SRMS: variants seen among roughly 807,000 people sequenced by gnomAD.
The protein encoded by SRMS is src-related kinase lacking C-terminal regulatory tyrosine and N-terminal myristylation sites.
SRMS carries 42 observed loss-of-function variants against 43.5 expected under a neutral mutation model. The observed-to-expected ratio is 0.97, with a 90% CI of 0.75 to 1.25. SRMS has a LOEUF of 1.25. Ranked by LOEUF, SRMS falls within the 50% of genes most tolerant of loss-of-function variation. The pLI is 0.00. For synonymous variants in SRMS, 316 were observed against 308.2 expected, an observed-to-expected ratio of 1.03 and a Z score of -0.27; for missense variants, 703 against 681.0, an observed-to-expected ratio of 1.03 and a Z score of -0.36.
At chr20:63,541,415 C>T in intron 6 of SRMS, 24 bp downstream of exon 6, 3 of 1,578,350 alleles carry the variant, frequency 1.9e-6, no homozygotes, top group Non-Finnish European at 2.6e-6. Context: ...CCCTCTGGGT[C>T]AGGGGCCCAG....
At chr20:63,543,580 CT>C in intron 2 of SRMS, 100 bp from the exon 3 acceptor site, 1 of 1,393,838 alleles carries the variant, frequency 7.2e-7, no homozygotes, top group Non-Finnish European at 9.7e-7. Context: ...AGGGGTCTGG[CT>C]CAGACCTAGC....
rs2082742015 is a variant in SRMS, at chr20:63,547,720, T to TGTCC, written c.-261_-258dup. Among the ~76,000 whole-genome samples, 1 of 152,148 alleles carries TGTCC rather than the reference T, an allele frequency of 6.6e-6. No individual in the cohort carries two copies. The highest frequency in any genetic ancestry group is 1.5e-5 in the Non-Finnish European group (1 of 67,986). On this transcript the variant is annotated 5_prime_UTR_variant, in exon 1 of 8. Transcript: ENST00000217188. ...CCTCAGGCACACCGACAGCACCTCC[T>TGTCC]GTCCTCGACCTCCTTGGCGTCTGGA... is the stretch of plus-strand genomic sequence containing the variant.
rs564513152 is a variant in SRMS at position 63,545,554 on chromosome 20, G to A, written c.357-1206C>T. 7.9e-5 allele frequency among the ~76,000 whole-genome samples: 12 copies of A among 152,368 alleles called. No homozygotes were observed. In the East Asian group the frequency reaches 2.3e-3, roughly 29 times the overall value. On this transcript the variant is annotated intron_variant, in intron 1 of 7. Coordinates refer to ENST00000217188, the MANE Select transcript of SRMS (RefSeq NM_080823.4). The stretch of plus-strand genomic sequence containing the variant: ...CATGCCATCCTGGCAGACTGGGACT[G>A]GGCAAGACGGAGGACACAGTCTGGC...
intron 5 of SRMS, among the ~76,000 whole-genome samples, chr20:63,541,928 G>A (rs1421628598): frequency 4.0e-5 from 6 of 151,260 alleles, no homozygotes; most frequent in East Asian, 1.9e-4. Flanking sequence ...GCCCCCCACC[G>A]CCCCCGAACA....
intron 1 of SRMS, among the ~76,000 whole-genome samples, chr20:63,546,883 G>A (rs1309778861): frequency 1.3e-5 from 2 of 152,240 alleles, no homozygotes; most frequent in African/African-American, 4.8e-5. Context: ...GACCACGCCT[G>A]CCGGAGCCTC....
chr20:63,542,145 A>T lies in SRMS; in HGVS notation c.946+18T>A. 1 of 1,598,378 alleles carries T rather than the reference A, an allele frequency of 6.3e-7. No homozygotes were observed. Among genetic ancestry groups the T allele is most frequent in the Non-Finnish European group, 8.6e-7 (1 of 1,169,066 alleles). ...CGCAGGCGCGTCAGGGCCACGTGGC[A>T]GCAGGGAGGGGACTCACTGCCCAGG... On this transcript the variant is annotated intron_variant, in intron 5 of 7. Coordinates refer to ENST00000217188, the MANE Select transcript of SRMS (RefSeq NM_080823.4).
At position 63,541,211 on chromosome 20, in the gene SRMS, T is replaced by C. The variant is rs117389835; in HGVS notation, c.1265A>G (p.Tyr422Cys). 177 of 1,562,452 alleles carry C rather than the reference T, an allele frequency of 1.1e-4. 1 individual carries two copies. The East Asian group carries it at 3.1e-3, about 27-fold the overall frequency. Residue 422 changes from tyrosine to cysteine, a missense_variant, in exon 7 of 8, where the codon TAT becomes TGT. Tyr to Cys is a radical substitution (Grantham distance 194, BLOSUM62 -2). Coordinates refer to ENST00000217188, the MANE Select transcript of SRMS (RefSeq NM_080823.4). ...CCCACCTTCATAGGGACACTGGCCATAGGTGAAAACCTCGTGCAGCAGGAC... is the reference window on the plus strand; with the variant it reads ...CCCACCTTCATAGGGACACTGGCCACAGGTGAAAACCTCGTGCAGCAGGAC... ...FGVLLHEVFT[Y>C]GQCPYEGMTN...
chr20:63,540,990 T>C lies in SRMS; in HGVS notation c.1295A>G (p.Asn432Ser). The change falls in exon 8 of 8, where the codon AAC becomes AGC. Residue 432 changes from asparagine to serine, a missense_variant. By Grantham distance (46) the Asn-to-Ser change is conservative. Transcript: ENST00000217188. ...YGQCPYEGMTNHETLQQIMRG... is the reference protein window; with the variant it reads ...YGQCPYEGMTSHETLQQIMRG... ...CATGATCTGCTGCAGCGTCTCGTGG[T>C]TGGTCATCCCTGGGAGGCGCGGGGC... The C allele has an allele frequency of 6.2e-7, 1 of 1,608,908 alleles. No individual in the cohort carries two copies. Among genetic ancestry groups the C allele is most frequent in the East Asian group, 2.2e-5 (1 of 44,822 alleles).
chr20:63,542,605 G>T lies in SRMS; in HGVS notation c.646-24C>A, dbSNP rs773178890. The T allele has an allele frequency of 2.5e-6, 4 of 1,591,610 alleles. No individual in the cohort carries two copies. The African/African-American group carries it at 5.4e-5, about 21-fold the overall frequency. ...TTCTGCAGGGAGGGTGGGCAGGGAG[G>T]CTGGTCAGCGTGGGCCCCTGTGCTC... On this transcript the variant is annotated intron_variant, in intron 3 of 7. Coordinates refer to ENST00000217188, the MANE Select transcript of SRMS (RefSeq NM_080823.4).
chr20:63,542,375 C>T, intron 4 of SRMS, 54 bp from the exon 5 acceptor site: 1 of 1,598,272 alleles, frequency 6.3e-7, no homozygotes, highest in Middle Eastern at 1.7e-4. Context: ...CATCACTGCC[C>T]TGGGGCTTGA....
In SRMS at chr20:63,543,405, C is replaced by T. The variant is rs1434697730; in HGVS notation, c.554G>A (p.Arg185Gln). 1.9e-6 allele frequency: 3 copies of T among 1,612,734 alleles called. No individual in the cohort carries two copies. Among genetic ancestry groups the T allele is most frequent in the African/African-American group, 1.3e-5 (1 of 74,952 alleles). The change falls in exon 3 of 8, where the codon CGG becomes CAG. Residue 185 changes from arginine to glutamine, a missense_variant. Transcript: ENST00000217188. ...ADGSLYLQKG[R>Q]LFPGLEELLT... The stretch of plus-strand genomic sequence containing the variant: ...CAGCTCCTCCAGGCCGGGAAAGAGC[C>T]GTCCCTTCTGCAGGTAGAGGCTGCC...
At position 63,542,195 on chromosome 20, in the gene SRMS, A is replaced by G. The variant is rs1239546326; in HGVS notation, c.914T>C (p.Met305Thr). The change falls in exon 5 of 8, where the codon ATG becomes ACG. Residue 305 changes from methionine (M) to threonine (T), a missense_variant. Coordinates refer to ENST00000217188, the MANE Select transcript of SRMS (RefSeq NM_080823.4). The stretch of plus-strand genomic sequence containing the variant: ...GAAGGCCTGCAGGTTCCCCTTGCGC[A>G]TGAGTTCCGTGACGATGTACACAGG... ...GEPVYIVTELMRKGNLQAFLG... is the reference protein window; with the variant it reads ...GEPVYIVTELTRKGNLQAFLG... 3.1e-6 allele frequency: 5 copies of G among 1,611,484 alleles called. No individual in the cohort carries two copies. Among genetic ancestry groups the G allele is most frequent in the East Asian group, 2.2e-5 (1 of 44,828 alleles).
At position 63,540,235 on chromosome 20, in the gene SRMS, C is replaced by T. The variant is rs1233841264; in HGVS notation, c.*583G>A. Among the ~76,000 whole-genome samples the T allele has an allele frequency of 6.6e-6, 1 of 152,212 alleles. No individual in the cohort carries two copies. The highest frequency in any genetic ancestry group is 2.4e-5 in the African/African-American group (1 of 41,450). On this transcript the variant is annotated 3_prime_UTR_variant, in exon 8 of 8. Coordinates refer to ENST00000217188, the MANE Select transcript of SRMS (RefSeq NM_080823.4). Reference sequence around the variant, plus strand: ...GTGAGGGGCAGGTGACGGTGCCACCCCGTGCCTACATACCACACATCCAGT... The same window carrying T: ...GTGAGGGGCAGGTGACGGTGCCACCTCGTGCCTACATACCACACATCCAGT...
rs1457185008 is a variant in SRMS, at chr20:63,541,623, G to A, written c.947-3C>T. 2.0e-6 allele frequency: 3 copies of A among 1,529,718 alleles called. No homozygotes were observed. Among genetic ancestry groups the A allele is most frequent in the Non-Finnish European group, 2.6e-6 (3 of 1,143,178 alleles). The allele number at this position is 1,529,718 out of a possible 1,614,324, so 94.8% of individuals were successfully genotyped here. A position where few individuals can be genotyped will look rare whatever the true frequency, so the allele number is the denominator to read the frequency against. The stretch of plus-strand genomic sequence containing the variant: ...ACGCAGGGCCCGGCCCTCGGGGGCT[G>A]CAGGAGACAGCGCGGGGTCTTTTAG... On this transcript the variant is annotated splice_polypyrimidine_tract_variant and splice_region_variant and intron_variant, in intron 5 of 7. Coordinates refer to ENST00000217188, the MANE Select transcript of SRMS (RefSeq NM_080823.4).
chr20:63,547,023 G>A (rs553725040), intron 1 of SRMS, 85 bp downstream of exon 1: 440 of 1,237,830 alleles, frequency 3.6e-4, no homozygotes, highest in Admixed American at 4.4e-4. Flanking sequence ...ACGGACATGC[G>A]ATTTCCAACT....
chr20:63,544,490 A>G, intron 1 of SRMS, 142 bp from the exon 2 acceptor site: 1 of 1,116,042 alleles, frequency 9.0e-7, no homozygotes, highest in Non-Finnish European at 1.2e-6. Context: ...TTTGAGTCCC[A>G]GCTCAAGGTC....
chr20:63,547,243 C>T lies in SRMS; in HGVS notation c.221G>A (p.Arg74His), dbSNP rs369623807. Residue 74 changes from arginine (R) to histidine (H), a missense_variant, in exon 1 of 8, where the codon CGC (arginine) becomes CAC (histidine). Arg to His is a conservative substitution (Grantham distance 29, BLOSUM62 0). Coordinates refer to ENST00000217188, the MANE Select transcript of SRMS (RefSeq NM_080823.4). ...ARCGGELSVR[R>H]GDRLCALEEG... ...TTCGAGGGCACAGAGCCTGTCCCCG[C>T]GGCGGACACTCAGCTCCCCGCCACA... The T allele has an allele frequency of 2.3e-5, 37 of 1,610,370 alleles. No homozygotes were observed. In the Admixed American group the frequency reaches 4.4e-4, roughly 19 times the overall value.
rs766255803 is a variant in SRMS, at chr20:63,542,263, G to A, written c.846C>T (p.His282=). The change falls in exon 5 of 8, where the codon CAC becomes CAT. Residue 282 remains histidine, a synonymous_variant. Coordinates refer to ENST00000217188, the MANE Select transcript of SRMS (RefSeq NM_080823.4). ...KEIQTLKGLR[H]ERLIRLHAVC... ...CTGCGTGCAGCCGGATGAGCCGCTC[G>A]TGCCGCAGGCCCTTCAGTGTCTGGA... 36 of 1,612,542 alleles carry A rather than the reference G, an allele frequency of 2.2e-5. No individual in the cohort carries two copies. Among genetic ancestry groups the A allele is most frequent in the Non-Finnish European group, 2.9e-5 (34 of 1,179,718 alleles).
In SRMS at chr20:63,544,315, T is replaced by C. The variant is rs374832508; in HGVS notation, c.390A>G (p.Ala130=). Residue 130 remains alanine, a synonymous_variant, in exon 2 of 8, where the codon GCA becomes GCG. Transcript: ENST00000217188. ...WYFSGVSRTQ[A]QQLLLSPPNE... is the part of the protein sequence containing the mutation. ...TGGGTGGGGAGAGGAGCAGCTGCTG[T>C]GCCTGGGTCCGACTGACCCCGCTAA... 62 of 1,482,446 alleles carry C rather than the reference T, an allele frequency of 4.2e-5. No homozygotes were observed. In the Admixed American group the frequency reaches 9.4e-4, roughly 23 times the overall value. The allele number at this position is 1,482,446 out of a possible 1,614,324, so 91.8% of individuals were successfully genotyped here.
Sources: gnomAD v4.1 joint callset for allele counts (sites outside exome capture counted in the v4.1 genomes callset) on GRCh38, gnomAD v4.1.1 for gene constraint, MANE v1.5 for transcripts, NCBI Gene and HGNC (gene_info 2026-07-23, HGNC 2026-07-21) for gene names.